LPP: variants seen among roughly 807,000 people sequenced by gnomAD.
LPP encodes lipoma-preferred partner.
Under a neutral mutation model 60.4 loss-of-function variants are expected in LPP, and 38 were observed. The ratio of observed to expected loss-of-function variants is 0.63; its 90% CI spans 0.49 to 0.83. The LOEUF (loss-of-function observed/expected upper bound fraction) is 0.83. LPP is among the 40% of genes least tolerant of loss of function. The pLI is 0.00. For missense variants in LPP, 902 were observed against 783.6 expected (o/e 1.15, Z -1.80); for synonymous variants, 328 against 290.8 (o/e 1.13, Z -1.30).
chr3:188,681,312 C>T (rs1390495438), intron 7 of LPP, among the ~76,000 whole-genome samples: 1 of 152,158 alleles, frequency 6.6e-6, no homozygotes, highest in Non-Finnish European at 1.5e-5. Context: ...CTTTTGTACA[C>T]TAGGAGCTAC....
chr3:188,301,759 T>C (rs1490980600), intron 2 of LPP, among the ~76,000 whole-genome samples: 1 of 152,060 alleles, frequency 6.6e-6, no homozygotes, highest in Admixed American at 6.6e-5. Context: ...CTCAATGTCC[T>C]GGAGTCACTG....
At chr3:188,623,258 CTT>C (rs112468971) in intron 7 of LPP, among the ~76,000 whole-genome samples, 9 of 135,982 alleles carry the variant, frequency 6.6e-5, no homozygotes, top group Admixed American at 7.5e-5. Context: ...TATGAAGATA[CTT>C]TTTTTTTTTT....
At chr3:188,582,182 A>G (rs1836383506) in intron 6 of LPP, among the ~76,000 whole-genome samples, 1 of 118,506 alleles carries the variant, frequency 8.4e-6, no homozygotes, top group Non-Finnish European at 1.7e-5. Flanking sequence ...TTTTTTTGAG[A>G]CAGACTCTCA....
intron 3 of LPP, among the ~76,000 whole-genome samples, chr3:188,392,988 A>G (rs1418413828): frequency 1.3e-5 from 2 of 151,696 alleles, no homozygotes; most frequent in Non-Finnish European, 2.9e-5. Flanking sequence ...CCACCTTTAC[A>G]TTGTACCCTA....
intron 5 of LPP, among the ~76,000 whole-genome samples, chr3:188,504,311 AT>A (rs1444159372): frequency 6.6e-6 from 1 of 151,284 alleles, no homozygotes; most frequent in African/African-American, 2.4e-5. Context: ...TGATATTCCC[AT>A]TTTATTCATG....
chr3:188,738,532 G>A (rs993654943), intron 8 of LPP, among the ~76,000 whole-genome samples: 46 of 152,088 alleles, frequency 3.0e-4, no homozygotes, highest in African/African-American at 1.1e-3. Flanking sequence ...CTCTACCCTA[G>A]TGGTAAACTT....
At position 188,165,919 on chromosome 3, in the gene LPP, T is replaced by C. The variant is rs114818230; in HGVS notation, c.-190+11667T>C. Among the ~76,000 whole-genome samples the C allele has an allele frequency of 4.6e-3, 702 of 152,240 alleles. 9 individuals are homozygous for C. Among genetic ancestry groups the C allele is most frequent in the African/African-American group, 0.017 (687 of 41,548 alleles). On this transcript the variant is annotated intron_variant, in intron 1 of 11. Coordinates refer to ENST00000617246, the MANE Select transcript of LPP (RefSeq NM_001375462.1). ...TCGTCTGCCCAGTGTCTTAGACGGG[T>C]GACGGAACATACGGCTTTTGAGAGA... is the stretch of plus-strand genomic sequence containing the variant.
chr3:188,511,206 C>T (rs984389213), intron 5 of LPP, among the ~76,000 whole-genome samples: 2 of 119,904 alleles, frequency 1.7e-5, no homozygotes, highest in African/African-American at 3.2e-5. Flanking sequence ...CTCCTTCCCT[C>T]CCTTCCTCCC....
chr3:188,351,507 G>A (rs138279899), intron 3 of LPP, among the ~76,000 whole-genome samples: 3 of 152,188 alleles, frequency 2.0e-5, no homozygotes, highest in Admixed American at 2.0e-4. Flanking sequence ...GGTAATACAG[G>A]TGCTGCTGCT....
intron 2 of LPP, among the ~76,000 whole-genome samples, chr3:188,295,189 C>G (rs1747449208): frequency 1.3e-5 from 2 of 152,208 alleles, no homozygotes; most frequent in Non-Finnish European, 2.9e-5. Context: ...TTCACATGAA[C>G]TCCAATTAAA....
chr3:188,770,360 T>C (rs77208572), intron 9 of LPP, among the ~76,000 whole-genome samples: 18 of 145,466 alleles, frequency 1.2e-4, no homozygotes, highest in Non-Finnish European at 2.0e-4. Context: ...TTTTTTTTTT[T>C]TTTTTGTATT....
intron 3 of LPP, among the ~76,000 whole-genome samples, chr3:188,343,983 G>C (rs1206165868): frequency 2.6e-5 from 4 of 152,138 alleles, no homozygotes; most frequent in Non-Finnish European, 5.9e-5. Context: ...CACTGACTGC[G>C]GTGTGTTCTC....
At chr3:188,819,631 G>A (rs967131626) in intron 9 of LPP, among the ~76,000 whole-genome samples, 11 of 152,144 alleles carry the variant, frequency 7.2e-5, no homozygotes, top group African/African-American at 1.2e-4. Context: ...TTTTGAAGAC[G>A]GAGTATGATC....
intron 2 of LPP, among the ~76,000 whole-genome samples, chr3:188,322,203 G>A (rs1274239546): frequency 1.3e-5 from 2 of 152,178 alleles, no homozygotes; most frequent in African/African-American, 4.8e-5. Context: ...ACAATGAAAA[G>A]GCAAGTTTAA....
Position 188,391,198 on chromosome 3 carries a change from T to C in LPP, c.-9-14914T>C, listed in dbSNP as rs114979027. Among the ~76,000 whole-genome samples, 1,164 of 152,264 alleles carry C rather than the reference T, an allele frequency of 7.6e-3. 11 individuals are homozygous for C. Among genetic ancestry groups the C allele is most frequent in the African/African-American group, 0.026 (1,090 of 41,534 alleles). Reference sequence around the variant, plus strand: ...GTTAGAAAACAGGGCTGGTGAGTGATAGAGCTGAGGCTAGCGTGCGGAGAT... The same window carrying C: ...GTTAGAAAACAGGGCTGGTGAGTGACAGAGCTGAGGCTAGCGTGCGGAGAT... On this transcript the variant is annotated intron_variant, in intron 3 of 11. Coordinates refer to ENST00000617246, the MANE Select transcript of LPP (RefSeq NM_001375462.1).
rs549024388 is a variant in LPP at position 188,357,738 on chromosome 3, TG to T, written c.-10+16021del. Reference sequence around the variant, plus strand: ...ACAGAAAGCATTCTGAGTATAGTTTTGGCCAAAATAGAATAGTATAATAAAT... The same window carrying T: ...ACAGAAAGCATTCTGAGTATAGTTTTGCCAAAATAGAATAGTATAATAAAT... On this transcript the variant is annotated intron_variant, in intron 3 of 11. Transcript: ENST00000617246. 4.9e-4 allele frequency among the ~76,000 whole-genome samples: 75 copies of T among 152,366 alleles called. 1 individual carries two copies. Among genetic ancestry groups the T allele is most frequent in the Admixed American group, 2.6e-3 (40 of 15,304 alleles).
chr3:188,622,911 C>G (rs1846062393), intron 7 of LPP, among the ~76,000 whole-genome samples: 1 of 151,666 alleles, frequency 6.6e-6, no homozygotes, highest in Non-Finnish European at 1.5e-5. Flanking sequence ...GCCTGTAATT[C>G]CAGCTACTCA....
intron 5 of LPP, among the ~76,000 whole-genome samples, chr3:188,493,459 A>T (rs1808983299): frequency 6.6e-6 from 1 of 151,066 alleles, no homozygotes; most frequent in Non-Finnish European, 1.5e-5. Flanking sequence ...TGTAAATGGG[A>T]TTTTCTTCTT....
chr3:188,836,170 C>T (rs1758399704), intron 9 of LPP, among the ~76,000 whole-genome samples: 1 of 152,174 alleles, frequency 6.6e-6, no homozygotes, highest in African/African-American at 2.4e-5. Flanking sequence ...AAAAATGTAT[C>T]GACTGCCAGC....
Sources: gnomAD v4.1 joint callset for allele counts (sites outside exome capture counted in the v4.1 genomes callset) on GRCh38, gnomAD v4.1.1 for gene constraint, MANE v1.5 for transcripts, NCBI Gene and HGNC (gene_info 2026-07-23, HGNC 2026-07-21) for gene names.